The following ATXN1 variants were observed in gnomAD, a reference collection of about 807,000 sequenced individuals.
ATXN1 encodes the protein ataxin 1, also known as ataxin-1.
A neutral mutation model predicts 56.4 loss-of-function variants in ATXN1; 8 were observed. The ratio of observed to expected loss-of-function variants is 0.14; its 90% CI spans 0.08 to 0.26. The LOEUF (loss-of-function observed/expected upper bound fraction) is 0.26. Among genes scored for constraint, ATXN1 ranks in the 10% least tolerant of loss-of-function variants. The probability of loss-of-function intolerance (pLI) is 1.00; values close to 1 mark genes in which losing one functional copy is unlikely to be tolerated. For synonymous variants in ATXN1, 514 were observed against 494.6 expected, an observed-to-expected ratio of 1.04 and a Z score of -0.52; for missense variants, 987 against 1,106.5, an observed-to-expected ratio of 0.89 and a Z score of 1.53.
chr6:16,323,685 C>G (rs188435621), intron 7 of ATXN1, among the ~76,000 whole-genome samples: 10 of 152,194 alleles, frequency 6.6e-5, no homozygotes, highest in Non-Finnish European at 1.0e-4. Context: ...CTAAACAAAA[C>G]CTCTTTTCAC....
chr6:16,639,053 G>A (rs944384356), intron 3 of ATXN1, among the ~76,000 whole-genome samples: 2 of 143,094 alleles, frequency 1.4e-5, no homozygotes, highest in Admixed American at 1.4e-4. Context: ...GCGCTCTGTA[G>A]CTAGCTTGAG....
chr6:16,526,490 C>A (rs1761396578), intron 4 of ATXN1, among the ~76,000 whole-genome samples: 1 of 152,162 alleles, frequency 6.6e-6, no homozygotes, highest in Non-Finnish European at 1.5e-5. Flanking sequence ...GGTGGCCGGA[C>A]GCGGTGGCTC....
intron 4 of ATXN1, among the ~76,000 whole-genome samples, chr6:16,581,536 G>C (rs1457104212): frequency 6.6e-6 from 1 of 152,196 alleles, no homozygotes; most frequent in South Asian, 2.1e-4. Flanking sequence ...CCCAGGAATG[G>C]AGGGAGGAAG....
At chr6:16,758,772 G>A (rs959299973) in intron 1 of ATXN1, among the ~76,000 whole-genome samples, 11 of 152,226 alleles carry the variant, frequency 7.2e-5, no homozygotes, top group African/African-American at 2.2e-4. Flanking sequence ...GTTCAGGGGA[G>A]CCCTTCAACC....
At position 16,306,110 on chromosome 6, in the gene ATXN1, TG is replaced by T; in HGVS notation, c.*218del. On this transcript the variant is annotated 3_prime_UTR_variant, in exon 8 of 8. Transcript: ENST00000436367. This position sits in a 1 kb window ranked among gnomAD's most constrained non-coding sequence, Gnocchi z 5.2. ...TGCCTGGAGCCCTGACCGCTCCTGCTGTGCCCTTCCTCCCGCCCGCTCACTG... is the reference window on the plus strand; with the variant it reads ...TGCCTGGAGCCCTGACCGCTCCTGCTTGCCCTTCCTCCCGCCCGCTCACTG... The T allele has an allele frequency of 4.1e-6, 2 of 487,594 alleles. No homozygotes were observed. Among genetic ancestry groups the T allele is most frequent in the Middle Eastern group, 6.0e-4 (1 of 1,678 alleles). 30.2% of individuals were successfully genotyped at this position (487,594 alleles called of 1,614,324 possible).
chr6:16,483,295 A>G (rs1451262369), intron 6 of ATXN1, among the ~76,000 whole-genome samples: 1 of 152,180 alleles, frequency 6.6e-6, no homozygotes, highest in Non-Finnish European at 1.5e-5. Context: ...ACTACTTCCA[A>G]TGGCTGCTGT....
chr6:16,360,178 C>T (rs946884107), intron 6 of ATXN1, among the ~76,000 whole-genome samples: 9 of 152,212 alleles, frequency 5.9e-5, no homozygotes, highest in Non-Finnish European at 4.4e-5. Flanking sequence ...CATGGGTTCT[C>T]AATATCTGCT....
intron 6 of ATXN1, among the ~76,000 whole-genome samples, chr6:16,460,800 C>CAGTACTTGAAAGTACTTGAA (rs1759977371): frequency 6.6e-6 from 1 of 152,282 alleles, no homozygotes; most frequent in African/African-American, 2.4e-5. Flanking sequence ...AGTGATGTAA[C>CAGTACTTGAAAGTACTTGAA]AGTACTTGAA....
At chr6:16,460,826 C>G (rs1041726512) in intron 6 of ATXN1, among the ~76,000 whole-genome samples, 9 of 152,156 alleles carry the variant, frequency 5.9e-5, no homozygotes, top group African/African-American at 2.2e-4. Context: ...GTCTCTTCCC[C>G]CCACGGACCA....
At chr6:16,550,554 A>G (rs1419213867) in intron 4 of ATXN1, among the ~76,000 whole-genome samples, 3 of 152,262 alleles carry the variant, frequency 2.0e-5, no homozygotes, top group Non-Finnish European at 4.4e-5. Flanking sequence ...AGTGCCTTTC[A>G]TGCATAATAG....
At chr6:16,536,240 T>C (rs189317671) in intron 4 of ATXN1, among the ~76,000 whole-genome samples, 5 of 151,798 alleles carry the variant, frequency 3.3e-5, no homozygotes, top group African/African-American at 1.2e-4. Context: ...ATAATAGTAA[T>C]AATAAAATAA....
At chr6:16,532,516 C>T (rs1761524771) in intron 4 of ATXN1, among the ~76,000 whole-genome samples, 1 of 151,972 alleles carries the variant, frequency 6.6e-6, no homozygotes, top group Admixed American at 6.6e-5. Context: ...TCTTGAGCAA[C>T]AACAAAAAAC....
chr6:16,496,607 A>G (rs1760785620), intron 5 of ATXN1, among the ~76,000 whole-genome samples: 1 of 152,164 alleles, frequency 6.6e-6, no homozygotes, highest in Non-Finnish European at 1.5e-5. Context: ...AATAAAGAAA[A>G]ATATCAACTA....
rs1191195716 is a variant in ATXN1 at position 16,327,532 on chromosome 6, G to T, written c.779C>A (p.Thr260Asn). The change falls in exon 7 of 8, where the codon ACC becomes AAC. Residue 260 changes from threonine (T) to asparagine (N), a missense_variant. Transcript: ENST00000436367. ...ISSSPQNTGR[T>N]ASPPAIPVHL... is the part of the protein sequence containing the mutation. Reference sequence around the variant, plus strand: ...GACGGGGATGGCCGGAGGAGAGGCGGTGCGGCCGGTGTTCTGCGGAGAACT... The same window carrying T: ...GACGGGGATGGCCGGAGGAGAGGCGTTGCGGCCGGTGTTCTGCGGAGAACT... 1 of 1,610,654 alleles carries T rather than the reference G, an allele frequency of 6.2e-7. No individual in the cohort carries two copies. Among genetic ancestry groups the T allele is most frequent in the Non-Finnish European group, 8.5e-7 (1 of 1,178,880 alleles).
chr6:16,322,510 C>T (rs1760678273), intron 7 of ATXN1, among the ~76,000 whole-genome samples: 1 of 152,186 alleles, frequency 6.6e-6, no homozygotes, highest in Admixed American at 6.5e-5. Context: ...ATCTCTTCTT[C>T]CACAACTTCC....
At chr6:16,339,109 C>G (rs977673917) in intron 6 of ATXN1, among the ~76,000 whole-genome samples, 3 of 152,114 alleles carry the variant, frequency 2.0e-5, no homozygotes, top group Admixed American at 6.5e-5. Context: ...TTCCACATCC[C>G]GCAGGGAAGG....
At chr6:16,425,972 T>C (rs1294920405) in intron 6 of ATXN1, among the ~76,000 whole-genome samples, 1 of 152,148 alleles carries the variant, frequency 6.6e-6, no homozygotes, top group Admixed American at 6.6e-5. Flanking sequence ...TATTAACCAC[T>C]GTCTGCCACA....
At chr6:16,748,164 T>C (rs1003648877) in intron 2 of ATXN1, among the ~76,000 whole-genome samples, 2 of 152,082 alleles carry the variant, frequency 1.3e-5, no homozygotes, top group African/African-American at 4.8e-5. Flanking sequence ...TGAAAGTGCA[T>C]AGGAATCTCA....
intron 3 of ATXN1, among the ~76,000 whole-genome samples, chr6:16,611,113 T>A (rs1763098598): frequency 1.3e-5 from 2 of 152,084 alleles, no homozygotes; most frequent in South Asian, 2.1e-4. Flanking sequence ...ATATAGATAA[T>A]CCTTATTAAG....
Sources: gnomAD v4.1 joint callset for allele counts (sites outside exome capture counted in the v4.1 genomes callset) on GRCh38, gnomAD v4.1.1 for gene constraint, Gnocchi (gnomAD v3.1) non-coding constraint, MANE v1.5 for transcripts, NCBI Gene and HGNC (gene_info 2026-07-23, HGNC 2026-07-21) for gene names.